Variants in MAMDC2 observed in about 807,000 individuals in gnomAD.
MAMDC2 encodes the protein MAM domain containing 2.
In MAMDC2, 57 loss-of-function variants were observed where a neutral mutation model predicts 89.8. The observed-to-expected ratio is 0.63, with a 90% CI of 0.51 to 0.79. The LOEUF is 0.79. Ranked by LOEUF, MAMDC2 falls within the 30% of genes least tolerant of loss-of-function variation. The probability of loss-of-function intolerance (pLI) is 0.00; values close to 1 mark genes in which losing one functional copy is unlikely to be tolerated. For synonymous variants in MAMDC2, 313 were observed against 293.4 expected (o/e 1.07, Z -0.68); for missense variants, 800 against 820.6 (o/e 0.97, Z 0.31).
chr9:70,059,984 C>A (rs1827110880), intron 2 of MAMDC2, among the ~76,000 whole-genome samples: 1 of 152,174 alleles, frequency 6.6e-6, no homozygotes, highest in African/African-American at 2.4e-5. Context: ...TTCATTCAAG[C>A]CTTGGTTGAA....
intron 2 of MAMDC2, among the ~76,000 whole-genome samples, chr9:70,078,699 C>T (rs772553354): frequency 3.3e-5 from 5 of 152,084 alleles, no homozygotes; most frequent in Admixed American, 6.6e-5. Context: ...AGCTCAAAGC[C>T]GGGAGTAGGA....
intron 2 of MAMDC2, among the ~76,000 whole-genome samples, chr9:70,067,519 G>T (rs908450856): frequency 4.3e-4 from 65 of 152,164 alleles, no homozygotes; most frequent in Non-Finnish European, 4.4e-5. Flanking sequence ...TAGGAAAAAG[G>T]TTGCCCATAT....
intron 2 of MAMDC2, among the ~76,000 whole-genome samples, chr9:70,075,392 T>A (rs1827509529): frequency 6.6e-6 from 1 of 152,208 alleles, no homozygotes; most frequent in Admixed American, 6.5e-5. Context: ...AATATTTGTT[T>A]AAAATGCAGT....
intron 2 of MAMDC2, among the ~76,000 whole-genome samples, chr9:70,107,292 A>G (rs1563956920): frequency 6.6e-6 from 1 of 152,190 alleles, no homozygotes. Context: ...TATCTTGTAC[A>G]GCCAGCAGAA....
At chr9:70,180,171 T>C (rs554144274) in intron 11 of MAMDC2, among the ~76,000 whole-genome samples, 1 of 152,324 alleles carries the variant, frequency 6.6e-6, no homozygotes, top group South Asian at 2.1e-4. Flanking sequence ...GCTTCATCCA[T>C]GTCCCTCCAA....
intron 2 of MAMDC2, among the ~76,000 whole-genome samples, chr9:70,101,327 G>C (rs966151796): frequency 7.9e-5 from 12 of 151,808 alleles, no homozygotes; most frequent in African/African-American, 2.7e-4. Flanking sequence ...AAAGGTTATA[G>C]TAAACGAAGG....
At chr9:70,207,953 A>G (rs939700510) in intron 11 of MAMDC2, among the ~76,000 whole-genome samples, 3 of 151,986 alleles carry the variant, frequency 2.0e-5, no homozygotes, top group Non-Finnish European at 4.4e-5. Flanking sequence ...GATGTGTGGT[A>G]TTATTTCTGA....
intron 2 of MAMDC2, among the ~76,000 whole-genome samples, chr9:70,077,453 G>A (rs1262850111): frequency 6.6e-6 from 1 of 152,218 alleles, no homozygotes; most frequent in African/African-American, 2.4e-5. Context: ...CTTGCCCAAT[G>A]GGGCTATTGA....
intron 5 of MAMDC2, 48 bp from the exon 6 acceptor site, chr9:70,126,110 TC>T: frequency 2.0e-6 from 2 of 1,004,964 alleles, no homozygotes; most frequent in Non-Finnish European, 2.9e-6. Flanking sequence ...CCTCTTCCCC[TC>T]CCCCACCCCC....
At chr9:70,199,245 C>T (rs1312407524) in intron 11 of MAMDC2, among the ~76,000 whole-genome samples, 2 of 98,248 alleles carry the variant, frequency 2.0e-5, no homozygotes, top group Admixed American at 1.5e-4. Context: ...ATTCCCCTTC[C>T]TGTGTCCATG....
chr9:70,108,064 G>A, intron 2 of MAMDC2, 147 bp from the exon 3 acceptor site: 1 of 695,664 alleles, frequency 1.4e-6, no homozygotes. Flanking sequence ...AAAGAGGCCA[G>A]TGATCCAGTG....
At chr9:70,192,601 C>T (rs1021736169) in intron 11 of MAMDC2, among the ~76,000 whole-genome samples, 1 of 151,998 alleles carries the variant, frequency 6.6e-6, no homozygotes, top group African/African-American at 2.4e-5. Flanking sequence ...GCCTAAGAGA[C>T]CATGGAATTT....
intron 7 of MAMDC2, among the ~76,000 whole-genome samples, chr9:70,136,039 T>C (rs371024681): frequency 6.6e-6 from 1 of 152,236 alleles, no homozygotes; most frequent in African/African-American, 2.4e-5. Context: ...TGGTCCCAGC[T>C]TCTTAGGAGG....
chr9:70,215,400 T>A (rs983711357), intron 11 of MAMDC2, among the ~76,000 whole-genome samples: 4 of 152,234 alleles, frequency 2.6e-5, no homozygotes, highest in Admixed American at 2.0e-4. Flanking sequence ...AGCTATGCCA[T>A]TTCCCTTAAG....
intron 11 of MAMDC2, among the ~76,000 whole-genome samples, chr9:70,199,059 GT>G (rs1554681332): frequency 0.39 from 11,508 of 29,622 alleles, 513 homozygotes; most frequent in Non-Finnish European, 0.45. Flanking sequence ...TTTTTCGTTT[GT>G]TTTTTTTTTA....
chr9:70,089,375 C>T (rs1479256984), intron 2 of MAMDC2: 1 of 152,100 alleles, frequency 6.6e-6, no homozygotes, highest in Admixed American at 6.6e-5. Context: ...AATCCCTTGC[C>T]CTTTATCATA....
Position 70,207,195 on chromosome 9 carries a change from G to C in MAMDC2, c.1652-11142G>C, listed in dbSNP as rs149116734. On this transcript the variant is annotated intron_variant, in intron 11 of 13. Transcript: ENST00000377182. ...GTATTTCTAGTTCTAGATCCTTAAG[G>C]AATCACCACACTGTCTTCCACAATG... 3.2e-3 allele frequency among the ~76,000 whole-genome samples: 486 copies of C among 152,284 alleles called. 1 individual carries two copies. Among genetic ancestry groups the C allele is most frequent in the Non-Finnish European group, 4.7e-3 (317 of 68,034 alleles).
At chr9:70,179,212 C>A (rs1436501603) in intron 11 of MAMDC2, among the ~76,000 whole-genome samples, 2 of 152,026 alleles carry the variant, frequency 1.3e-5, no homozygotes, top group African/African-American at 4.8e-5. Flanking sequence ...GCTAACATAA[C>A]AATACTAAAA....
chr9:70,207,924 C>G (rs978781998), intron 11 of MAMDC2, among the ~76,000 whole-genome samples: 1 of 152,102 alleles, frequency 6.6e-6, no homozygotes, highest in African/African-American at 2.4e-5. Context: ...TCAGGTTTGT[C>G]AAAGATCAGA....
Sources: allele counts gnomAD v4.1 joint callset (sites outside exome capture counted in the v4.1 genomes callset), GRCh38; gene constraint gnomAD v4.1.1; transcripts MANE v1.5; gene names NCBI Gene and HGNC (gene_info 2026-07-23, HGNC 2026-07-21).